Variants in ATRNL1 observed in about 807,000 individuals in gnomAD.
ATRNL1 encodes the protein attractin-like protein 1.
Under a neutral mutation model 182.7 loss-of-function variants are expected in ATRNL1, and 95 were observed. That is an observed-to-expected ratio of 0.52 (90% CI 0.44 to 0.62). The LOEUF is 0.62. Among genes scored for constraint, ATRNL1 ranks in the 20% least tolerant of loss-of-function variants. The pLI, the probability that ATRNL1 is intolerant of heterozygous loss-of-function variation, is 0.00. For synonymous variants in ATRNL1, 576 were observed against 568.3 expected (o/e 1.01, Z -0.19); for missense variants, 1,471 against 1,679.5 (o/e 0.88, Z 2.17).
chr10:115,129,874 A>C (rs1346690688), intron 5 of ATRNL1, among the ~76,000 whole-genome samples: 1 of 152,192 alleles, frequency 6.6e-6, no homozygotes. Context: ...GGTGCATTCA[A>C]ATTTGATTTA....
rs968702600 is a variant in ATRNL1, at chr10:115,305,440, T to C, written c.2818+3397T>C. 2.6e-5 allele frequency among the ~76,000 whole-genome samples: 4 copies of C among 152,194 alleles called. No homozygotes were observed. In the East Asian group the frequency reaches 5.8e-4, roughly 22 times the overall value. On this transcript the variant is annotated intron_variant, in intron 17 of 28. Transcript: ENST00000355044. The stretch of plus-strand genomic sequence containing the variant: ...CCCTGTTGATATCCTTTTTTAGGGA[T>C]TGTGGTAAGGAATGGGGGTGTTGTA...
intron 27 of ATRNL1, among the ~76,000 whole-genome samples, chr10:115,796,265 G>A (rs193048336): frequency 2.1e-3 from 324 of 151,916 alleles, no homozygotes; most frequent in African/African-American, 7.6e-3. Context: ...CTGATGCCAC[G>A]TCTGCCCTCC....
At chr10:115,185,706 T>A (rs1847913309) in intron 8 of ATRNL1, among the ~76,000 whole-genome samples, 1 of 152,024 alleles carries the variant, frequency 6.6e-6, no homozygotes, top group Admixed American at 6.6e-5. Context: ...GAAATTTTTT[T>A]ATGAGATATG....
At chr10:115,890,916 G>A (rs1364651929) in intron 28 of ATRNL1, among the ~76,000 whole-genome samples, 4 of 152,044 alleles carry the variant, frequency 2.6e-5, no homozygotes, top group African/African-American at 4.8e-5. Flanking sequence ...AGTTGGAGGC[G>A]GTCAGCCTGG....
rs564718810 is a variant in ATRNL1, at chr10:115,776,100, A to G, written c.3903+48745A>G. Among the ~76,000 whole-genome samples, 244 of 152,330 alleles carry G rather than the reference A, an allele frequency of 1.6e-3. 11 individuals are homozygous for G. In the South Asian group the frequency reaches 0.049, roughly 31 times the overall value. ...GACATAGCCAATTAGTTTGTAATCTAGGCAGTTATCAAGGTTAATCACAAA... is the reference window on the plus strand; with the variant it reads ...GACATAGCCAATTAGTTTGTAATCTGGGCAGTTATCAAGGTTAATCACAAA... On this transcript the variant is annotated intron_variant, in intron 27 of 28. Coordinates refer to ENST00000355044, the MANE Select transcript of ATRNL1 (RefSeq NM_207303.4).
At chr10:115,535,889 C>G (rs1308574039) in intron 25 of ATRNL1, among the ~76,000 whole-genome samples, 1 of 151,878 alleles carries the variant, frequency 6.6e-6, no homozygotes, top group Non-Finnish European at 1.5e-5. Flanking sequence ...ACCCTGTTTG[C>G]CTGGGTATCA....
chr10:115,488,558 G>A lies in ATRNL1; in HGVS notation c.3654+19229G>A, dbSNP rs528064335. Among the ~76,000 whole-genome samples the A allele has an allele frequency of 7.2e-5, 11 of 152,084 alleles. No individual in the cohort carries two copies. In the East Asian group the frequency reaches 1.2e-3, roughly 16 times the overall value. ...TGGAAGTTTGTATTTCTGTGGGATCGGTGGTGATATCCCCTTTATCATTTT... is the reference window on the plus strand; with the variant it reads ...TGGAAGTTTGTATTTCTGTGGGATCAGTGGTGATATCCCCTTTATCATTTT... On this transcript the variant is annotated intron_variant, in intron 24 of 28. Coordinates refer to ENST00000355044, the MANE Select transcript of ATRNL1 (RefSeq NM_207303.4).
intron 25 of ATRNL1, among the ~76,000 whole-genome samples, chr10:115,530,892 C>T (rs1340172200): frequency 8.7e-5 from 13 of 149,148 alleles, no homozygotes; most frequent in African/African-American, 2.7e-4. Flanking sequence ...GGTTTTTTGT[C>T]CTTGCGATAG....
intron 27 of ATRNL1, among the ~76,000 whole-genome samples, chr10:115,846,461 T>G (rs2960679): frequency 0.76 from 115,328 of 151,818 alleles, 43,875 homozygotes; most frequent in Admixed American, 0.82. Context: ...TATTTCTTCT[T>G]AAAAGTTTAA....
chr10:115,725,795 A>T (rs1947579431), intron 26 of ATRNL1, among the ~76,000 whole-genome samples: 1 of 152,166 alleles, frequency 6.6e-6, no homozygotes, highest in Admixed American at 6.5e-5. Flanking sequence ...TATTCAGATC[A>T]ATTTCCCATT....
chr10:115,790,734 G>T (rs1206036486), intron 27 of ATRNL1, among the ~76,000 whole-genome samples: 3 of 150,682 alleles, frequency 2.0e-5, no homozygotes, highest in Non-Finnish European at 4.4e-5. Context: ...TATTTCATCT[G>T]CTTTTCTAGC....
intron 26 of ATRNL1, among the ~76,000 whole-genome samples, chr10:115,624,239 A>AAT (rs1257560516): frequency 2.6e-5 from 4 of 151,938 alleles, no homozygotes; most frequent in African/African-American, 9.7e-5. Flanking sequence ...TATTAAGTAC[A>AAT]ATATATATAA....
intron 1 of ATRNL1, among the ~76,000 whole-genome samples, chr10:115,104,491 G>A (rs1380551114): frequency 1.3e-5 from 2 of 151,974 alleles, no homozygotes; most frequent in Non-Finnish European, 2.9e-5. Flanking sequence ...CCATTCTGTG[G>A]ATCGTCTCTT....
intron 13 of ATRNL1, among the ~76,000 whole-genome samples, chr10:115,272,929 G>GT (rs1851935326): frequency 6.6e-6 from 1 of 152,192 alleles, no homozygotes; most frequent in Non-Finnish European, 1.5e-5. Flanking sequence ...AAAGAATTCT[G>GT]TAAGTTTACT....
At chr10:115,443,568 G>A (rs1188904662) in intron 21 of ATRNL1, among the ~76,000 whole-genome samples, 1 of 151,372 alleles carries the variant, frequency 6.6e-6, no homozygotes, top group Non-Finnish European at 1.5e-5. Context: ...TTTTGGAAGG[G>A]GAAACATACT....
chr10:115,284,557 A>G (rs575845483), intron 14 of ATRNL1, among the ~76,000 whole-genome samples: 4 of 152,318 alleles, frequency 2.6e-5, no homozygotes, highest in African/African-American at 7.2e-5. Context: ...TGAGATTTTC[A>G]TGGTACCCAA....
intron 1 of ATRNL1, among the ~76,000 whole-genome samples, chr10:115,111,414 A>T (rs567089183): frequency 2.4e-4 from 37 of 152,334 alleles, no homozygotes; most frequent in African/African-American, 8.9e-4. Context: ...TTGGCTCATG[A>T]TTCTGCAGGA....
At chr10:115,790,953 T>C (rs1949517458) in intron 27 of ATRNL1, among the ~76,000 whole-genome samples, 1 of 152,204 alleles carries the variant, frequency 6.6e-6, no homozygotes. Context: ...TCCTATATGA[T>C]TTATGTGAGA....
chr10:115,912,703 A>G (rs1952720581), intron 28 of ATRNL1, among the ~76,000 whole-genome samples: 1 of 152,220 alleles, frequency 6.6e-6, no homozygotes, highest in African/African-American at 2.4e-5. Context: ...AAAAAATTCC[A>G]TGAATTATCA....
Sources: gnomAD v4.1 joint callset for allele counts (sites outside exome capture counted in the v4.1 genomes callset) on GRCh38, gnomAD v4.1.1 for gene constraint, MANE v1.5 for transcripts, NCBI Gene and HGNC (gene_info 2026-07-23, HGNC 2026-07-21) for gene names.